The following STK38 variants were observed in gnomAD, a reference collection of about 807,000 sequenced individuals.
STK38 encodes serine/threonine kinase 38, also known as serine/threonine-protein kinase 38.
A neutral mutation model predicts 59.0 loss-of-function variants in STK38; 26 were observed. The ratio of observed to expected loss-of-function variants is 0.44; its 90% confidence interval spans 0.32 to 0.61. The LOEUF (loss-of-function observed/expected upper bound fraction) is 0.61. Among genes scored for constraint, STK38 ranks in the 20% least tolerant of loss-of-function variants. The pLI, the probability that STK38 is intolerant of heterozygous loss-of-function variation, is 0.04. For synonymous variants in STK38, 175 were observed against 176.6 expected (o/e 0.99, Z 0.07); for missense variants, 433 against 566.0 (o/e 0.76, Z 2.38).
chr6:36,522,827 G>A (rs1474652186), intron 4 of STK38, among the ~76,000 whole-genome samples: 1 of 128,796 alleles, frequency 7.8e-6, no homozygotes, highest in Non-Finnish European at 1.6e-5. Context: ...TTGCACTCCA[G>A]CCTGGGCAAC....
chr6:36,532,879 A>G (rs1202872757), intron 2 of STK38, among the ~76,000 whole-genome samples: 1 of 151,974 alleles, frequency 6.6e-6, no homozygotes, highest in African/African-American at 2.4e-5. Flanking sequence ...AGCCTGGGCA[A>G]AAGAGCAAAA....
rs183931183 is a variant in STK38, at chr6:36,513,565, G to A, written c.669+1773C>T. Among the ~76,000 whole-genome samples the A allele has an allele frequency of 5.8e-3, 877 of 151,836 alleles. 8 individuals carry two copies. The highest frequency in any genetic ancestry group is 0.02 in the African/African-American group (831 of 41,422). The stretch of plus-strand genomic sequence containing the variant: ...CCTGACCTCGTGATCCGCCTGCCTC[G>A]GCCTCCCAAAGTGCTGGGATTATTA... On this transcript the variant is annotated intron_variant, in intron 7 of 13. Transcript: ENST00000229812.
Position 36,540,176 on chromosome 6 carries a change from G to A in STK38, c.27C>T (p.Cys9=). 1 of 1,614,070 alleles carries A rather than the reference G, an allele frequency of 6.2e-7. No individual in the cohort carries two copies. The highest frequency in any genetic ancestry group is 8.5e-7 in the Non-Finnish European group (1 of 1,179,980). The part of the protein sequence containing the change: MAMTGSTP[C]SSMSNHTKER... ...CCTTTGTGTGGTTACTCATGGATGA[G>A]CAAGGTGTTGAGCCTGTCATTGCCA... The change falls in exon 2 of 14, where the codon TGC becomes TGT. Residue 9 remains cysteine (C), a synonymous_variant. Coordinates refer to ENST00000229812, the MANE Select transcript of STK38 (RefSeq NM_007271.4).
intron 6 of STK38, 132 bp downstream of exon 6, chr6:36,517,585 T>C (rs560359994): frequency 6.7e-6 from 8 of 1,189,532 alleles, no homozygotes; most frequent in Non-Finnish European, 3.5e-6. Flanking sequence ...ACTTCCTTTA[T>C]AGACCTAAAA....
rs1436579134 is a variant in STK38, at chr6:36,495,691, A to G, written c.*93T>C. On this transcript the variant is annotated 3_prime_UTR_variant, in exon 14 of 14. Transcript: ENST00000229812. ...TTACTATGACATATTGGTGGGTTCC[A>G]TCAACTTCTTGGAAGCTCTTCAAGA... 15 of 1,546,688 alleles carry G rather than the reference A, an allele frequency of 9.7e-6. No individual in the cohort carries two copies. Among genetic ancestry groups the G allele is most frequent in the Non-Finnish European group, 1.3e-5 (15 of 1,136,336 alleles).
In STK38 at chr6:36,494,202, T is replaced by C. The variant is rs1033759022; in HGVS notation, c.*1582A>G. 1 of 152,556 alleles carries C rather than the reference T, an allele frequency of 6.6e-6. No individual in the cohort carries two copies. 9.5% of individuals were successfully genotyped at this position (152,556 alleles called of 1,614,324 possible). A position where few individuals can be genotyped will look rare whatever the true frequency, so the allele number is the denominator to read the frequency against. On this transcript the variant is annotated 3_prime_UTR_variant, in exon 14 of 14. Coordinates refer to ENST00000229812, the MANE Select transcript of STK38 (RefSeq NM_007271.4). ...AGAGTTGACACTTCCCTAACCTTTT[T>C]TCTTCCTCTAAGAGGTTAAAATCCA...
chr6:36,538,866 T>A (rs1582465307), intron 2 of STK38, among the ~76,000 whole-genome samples: 1 of 115,728 alleles, frequency 8.6e-6, no homozygotes, highest in South Asian at 2.7e-4. Flanking sequence ...CACTCCAGCC[T>A]GGGTGACAGA....
chr6:36,495,547 TTC>T lies in STK38; in HGVS notation c.*235_*236del. The T allele has an allele frequency of 2.4e-6, 1 of 422,790 alleles. No homozygotes were observed. Among genetic ancestry groups the T allele is most frequent in the South Asian group, 3.3e-5 (1 of 30,678 alleles). The allele number at this position is 422,790 out of a possible 1,614,324, so 26.2% of individuals were successfully genotyped here. A position where few individuals can be genotyped will look rare whatever the true frequency, so the allele number is the denominator to read the frequency against. ...CACCTATCAAATTGGCTCATGATGC[TTC>T]TCTTCCAAAGCAGGATAGCTGTTTA... On this transcript the variant is annotated 3_prime_UTR_variant, in exon 14 of 14. Coordinates refer to ENST00000229812, the MANE Select transcript of STK38 (RefSeq NM_007271.4).
At chr6:36,508,561 T>C (rs555122229) in intron 7 of STK38, among the ~76,000 whole-genome samples, 2 of 152,368 alleles carry the variant, frequency 1.3e-5, no homozygotes, top group South Asian at 2.1e-4. Flanking sequence ...TGGATAGTCC[T>C]TGATAAATGC....
chr6:36,524,490 G>C lies in STK38; in HGVS notation c.184-27C>G, dbSNP rs773436515. 1.9e-6 allele frequency: 3 copies of C among 1,578,712 alleles called. No homozygotes were observed. In the Admixed American group the frequency reaches 5.9e-5, roughly 31 times the overall value. On this transcript the variant is annotated intron_variant, in intron 3 of 13. Coordinates refer to ENST00000229812, the MANE Select transcript of STK38 (RefSeq NM_007271.4). Reference sequence around the variant, plus strand: ...TAATATTTAAATAAAAAAGGGAGGAGACGGGAAGGAACTGAAATTCTGAAA... The same window carrying C: ...TAATATTTAAATAAAAAAGGGAGGACACGGGAAGGAACTGAAATTCTGAAA...
chr6:36,516,236 G>A (rs1399067714), intron 6 of STK38, among the ~76,000 whole-genome samples: 2 of 152,032 alleles, frequency 1.3e-5, no homozygotes, highest in African/African-American at 2.4e-5. Flanking sequence ...AGGTAACCTC[G>A]TTAGTTTTCT....
intron 1 of STK38, among the ~76,000 whole-genome samples, chr6:36,543,515 T>C (rs1212508184): frequency 6.6e-6 from 1 of 151,904 alleles, no homozygotes; most frequent in African/African-American, 2.4e-5. Context: ...GAGGGTGAGG[T>C]AGAGAGATCA....
intron 3 of STK38, among the ~76,000 whole-genome samples, chr6:36,525,216 C>T (rs995111338): frequency 2.0e-5 from 3 of 152,126 alleles, no homozygotes; most frequent in South Asian, 2.1e-4. Context: ...GTTCAGCACA[C>T]GTATGTATCC....
intron 7 of STK38, among the ~76,000 whole-genome samples, chr6:36,514,030 C>T (rs1777183425): frequency 6.6e-6 from 1 of 151,462 alleles, no homozygotes; most frequent in Non-Finnish European, 1.5e-5. Context: ...TGGCGGGCGC[C>T]TGTAGTCCCA....
intron 6 of STK38, among the ~76,000 whole-genome samples, chr6:36,516,970 T>C (rs1777269898): frequency 6.6e-6 from 1 of 152,184 alleles, no homozygotes; most frequent in Non-Finnish European, 1.5e-5. Context: ...ACCAGACTCT[T>C]TTCTAACATT....
At chr6:36,529,974 C>T (rs1443536360) in intron 2 of STK38, among the ~76,000 whole-genome samples, 1 of 152,174 alleles carries the variant, frequency 6.6e-6, no homozygotes, top group Non-Finnish European at 1.5e-5. Context: ...GGCATGGTGG[C>T]TCACACCCGT....
chr6:36,529,359 C>T (rs1275414143), intron 2 of STK38, among the ~76,000 whole-genome samples: 1 of 152,078 alleles, frequency 6.6e-6, no homozygotes, highest in Admixed American at 6.5e-5. Flanking sequence ...TATATTGAAA[C>T]GGGGTCACTA....
At chr6:36,517,112 CT>C (rs3836989) in intron 6 of STK38, among the ~76,000 whole-genome samples, 4 of 151,412 alleles carry the variant, frequency 2.6e-5, no homozygotes, top group Non-Finnish European at 4.4e-5. Flanking sequence ...AGTTCTCTCT[CT>C]TTTTTTTTCC....
At chr6:36,505,687 AT>A (rs1561975061) in intron 9 of STK38, among the ~76,000 whole-genome samples, 1 of 152,182 alleles carries the variant, frequency 6.6e-6, no homozygotes, top group Non-Finnish European at 1.5e-5. Flanking sequence ...TTTCCAGACA[AT>A]ACATTTGCAT....
Sources: allele counts gnomAD v4.1 joint callset (sites outside exome capture counted in the v4.1 genomes callset), GRCh38; gene constraint gnomAD v4.1.1; transcripts MANE v1.5; gene names NCBI Gene and HGNC (gene_info 2026-07-23, HGNC 2026-07-21).